Variants in PLCB3 observed in about 807,000 individuals in gnomAD.
PLCB3 encodes phospholipase C beta 3.
In PLCB3, 54 loss-of-function variants were observed where a neutral mutation model predicts 152.1. The observed-to-expected ratio is 0.36, with a 90% confidence interval of 0.29 to 0.45. The LOEUF (loss-of-function observed/expected upper bound fraction) is 0.45. Among genes scored for constraint, PLCB3 ranks in the 20% least tolerant of loss-of-function variants. The pLI, the probability that PLCB3 is intolerant of heterozygous loss-of-function variation, is 1.00. For synonymous variants in PLCB3, 717 were observed against 698.7 expected, an observed-to-expected ratio of 1.03 and a Z score of -0.41; for missense variants, 1,248 against 1,687.5, an observed-to-expected ratio of 0.74 and a Z score of 4.56.
rs1362985611 is a variant in PLCB3, at chr11:64,266,046, G to A, written c.3189+7G>A. The A allele has an allele frequency of 6.2e-7, 1 of 1,613,934 alleles. No homozygotes were observed. Among genetic ancestry groups the A allele is most frequent in the Admixed American group, 1.7e-5 (1 of 60,006 alleles). On this transcript the variant is annotated splice_region_variant and intron_variant, in intron 26 of 30. Coordinates refer to ENST00000279230, the MANE Select transcript of PLCB3 (RefSeq NM_000932.5). This position sits in a 1 kb window ranked among gnomAD's most constrained non-coding sequence, Gnocchi z 4.9. Reference sequence around the variant, plus strand: ...GCTGGAACACCTGAGACAGGTAGGGGGCCTGCAGTGGCCAGGGAAAGCCTG... The same window carrying A: ...GCTGGAACACCTGAGACAGGTAGGGAGCCTGCAGTGGCCAGGGAAAGCCTG...
intron 22 of PLCB3, among the ~76,000 whole-genome samples, chr11:64,264,463 G>A (rs1358446392): frequency 4.6e-5 from 7 of 152,126 alleles, no homozygotes; most frequent in African/African-American, 1.7e-4. Context: ...GTTCACCTGC[G>A]CTTCCAGATC....
At position 64,266,018 on chromosome 11, in the gene PLCB3, G is replaced by T; in HGVS notation, c.3168G>T (p.Arg1056=). The change falls in exon 26 of 31, where the codon CGG becomes CGT. Residue 1056 remains arginine, a synonymous_variant. Coordinates refer to ENST00000279230, the MANE Select transcript of PLCB3 (RefSeq NM_000932.5). The surrounding 1 kb of genome is among the most constrained non-coding windows in gnomAD (Gnocchi z 4.9). ...CCCAGGTGGACGCAGAGGCCCAGCG[G>T]AGGCTGGAACACCTGAGACAGGTAG... ...REAQVDAEAQ[R]RLEHLRQALQ... is the part of the protein sequence containing the mutation. 1 of 1,614,052 alleles carries T rather than the reference G, an allele frequency of 6.2e-7. No homozygotes were observed. The highest frequency in any genetic ancestry group is 8.5e-7 in the Non-Finnish European group (1 of 1,180,000).
chr11:64,262,776 G>A lies in PLCB3; in HGVS notation c.2323G>A (p.Val775Met), dbSNP rs745918779. 6.2e-7 allele frequency: 1 copy of A among 1,613,770 alleles called. No homozygotes were observed. Among genetic ancestry groups the A allele is most frequent in the South Asian group, 1.1e-5 (1 of 91,086 alleles). ...CTCTCAGGGGAACTCGTTCAACCCC[G>A]TGTGGGACGAAGAGCCCTTCGACTT... ...RTSQGNSFNPVWDEEPFDFPK... is the reference protein window; with the variant it reads ...RTSQGNSFNPMWDEEPFDFPK... Residue 775 changes from valine (V) to methionine (M), a missense_variant, in exon 19 of 31, where the codon GTG becomes ATG. Coordinates refer to ENST00000279230, the MANE Select transcript of PLCB3 (RefSeq NM_000932.5).
At chr11:64,262,136 C>T (rs1181347062) in intron 17 of PLCB3, 60 bp downstream of exon 17, 3 of 1,605,750 alleles carry the variant, frequency 1.9e-6, no homozygotes, top group Admixed American at 1.7e-5. Flanking sequence ...TTCTGACCCA[C>T]GATCCTGCTG....
chr11:64,255,212 C>G lies in PLCB3; in HGVS notation c.388-22C>G. ...CCCTGTGTCCCCCACTCACCGCCTC[C>G]CCGTGTATACTGGCCCCCCAGGTCT... On this transcript the variant is annotated intron_variant, in intron 4 of 30. Transcript: ENST00000279230. This position sits in a 1 kb window ranked among gnomAD's most constrained non-coding sequence, Gnocchi z 6.8. The G allele has an allele frequency of 6.2e-7, 1 of 1,602,690 alleles. No homozygotes were observed. The highest frequency in any genetic ancestry group is 8.5e-7 in the Non-Finnish European group (1 of 1,170,466).
Position 64,255,448 on chromosome 11 carries a change from A to C in PLCB3, c.520A>C (p.Asn174His). The change falls in exon 6 of 31, where the codon AAC (asparagine) becomes CAC (histidine). Residue 174 changes from asparagine to histidine, a missense_variant and splice_region_variant. By Grantham distance (68) the Asn-to-His change is moderately conservative (BLOSUM62 1). Around this residue, in one of 6 missense-constraint regions of PLCB3, gnomAD observed 299 missense variants for 434.7 expected, o/e 0.69. Coordinates refer to ENST00000279230, the MANE Select transcript of PLCB3 (RefSeq NM_000932.5). The surrounding 1 kb of genome is among the most constrained non-coding windows in gnomAD (Gnocchi z 6.8). ...VNQDGRIPVK[N>H]ILKMFSADKK... ...CCAGGATGGTCGGATCCCCGTCAAG[A>C]AGTGAGCACCCCTTCCCCCAGCACC... 3 of 1,614,100 alleles carry C rather than the reference A, an allele frequency of 1.9e-6. No individual in the cohort carries two copies. The highest frequency in any genetic ancestry group is 2.5e-6 in the Non-Finnish European group (3 of 1,180,000).
chr11:64,256,001 G>C (rs930316998), intron 8 of PLCB3, among the ~76,000 whole-genome samples, 180 bp downstream of exon 8: 1 of 152,124 alleles, frequency 6.6e-6, no homozygotes, highest in Non-Finnish European at 1.5e-5. Context: ...CGCCGTTTCT[G>C]CCCCTCAGTT....
rs1458287061 is a variant in PLCB3 at position 64,254,412 on chromosome 11, C to T, written c.100-3C>T. ...GACCCCTGCTGCCCTGTGCTGTCCT[C>T]AGGAGACCTCCAGTCGGAACCTGGT... On this transcript the variant is annotated splice_polypyrimidine_tract_variant and splice_region_variant and intron_variant, in intron 1 of 30. Transcript: ENST00000279230. 1 of 1,613,242 alleles carries T rather than the reference C, an allele frequency of 6.2e-7. No homozygotes were observed. Among genetic ancestry groups the T allele is most frequent in the African/African-American group, 1.3e-5 (1 of 74,910 alleles).
chr11:64,267,860 A>T lies in PLCB3; in HGVS notation c.*304A>T. 1 of 384,760 alleles carries T rather than the reference A, an allele frequency of 2.6e-6. No individual in the cohort carries two copies. The highest frequency in any genetic ancestry group is 4.7e-6 in the Non-Finnish European group (1 of 214,726). The allele number at this position is 384,760 out of a possible 1,614,324, so 23.8% of individuals were successfully genotyped here. A position where few individuals can be genotyped will look rare whatever the true frequency, so the allele number is the denominator to read the frequency against. ...GAGACTTGGAGCTCCGGGAAGTAGG[A>T]GTCACATTTTTTTCTCTATTCTTTG... On this transcript the variant is annotated 3_prime_UTR_variant, in exon 31 of 31. Coordinates refer to ENST00000279230, the MANE Select transcript of PLCB3 (RefSeq NM_000932.5). This position sits in a 1 kb window ranked among gnomAD's most constrained non-coding sequence, Gnocchi z 5.2.
Position 64,266,045 on chromosome 11 carries a change from G to A in PLCB3, c.3189+6G>A. 3 of 1,614,000 alleles carry A rather than the reference G, an allele frequency of 1.9e-6. No homozygotes were observed. The highest frequency in any genetic ancestry group is 2.5e-6 in the Non-Finnish European group (3 of 1,180,006). On this transcript the variant is annotated splice_donor_region_variant and intron_variant, in intron 26 of 30. Coordinates refer to ENST00000279230, the MANE Select transcript of PLCB3 (RefSeq NM_000932.5). This position sits in a 1 kb window ranked among gnomAD's most constrained non-coding sequence, Gnocchi z 4.9. The stretch of plus-strand genomic sequence containing the variant: ...GGCTGGAACACCTGAGACAGGTAGG[G>A]GGCCTGCAGTGGCCAGGGAAAGCCT...
At chr11:64,257,821 T>G (rs1443995955) in intron 10 of PLCB3, among the ~76,000 whole-genome samples, 2 of 151,790 alleles carry the variant, frequency 1.3e-5, no homozygotes, top group African/African-American at 4.8e-5. Context: ...TGACCTGATA[T>G]GATATGTTTT....
chr11:64,267,589 C>A lies in PLCB3; in HGVS notation c.*33C>A. On this transcript the variant is annotated 3_prime_UTR_variant, in exon 31 of 31. Coordinates refer to ENST00000279230, the MANE Select transcript of PLCB3 (RefSeq NM_000932.5). This position sits in a 1 kb window ranked among gnomAD's most constrained non-coding sequence, Gnocchi z 5.2. ...GAGCGAGGTGGCCACAGGGCCAGGG[C>A]GGGCGCTGGGTGGAGGGCAGGAGGC... 1 of 1,423,418 alleles carries A rather than the reference C, an allele frequency of 7.0e-7. No homozygotes were observed. The highest frequency in any genetic ancestry group is 9.5e-7 in the Non-Finnish European group (1 of 1,047,848). The allele number at this position is 1,423,418 out of a possible 1,614,324, so 88.2% of individuals were successfully genotyped here.
In PLCB3 at chr11:64,261,480, C is replaced by A. The variant is rs199625600; in HGVS notation, c.1812C>A (p.Ser604=). The A allele has an allele frequency of 6.2e-7, 1 of 1,614,018 alleles. No individual in the cohort carries two copies. Among genetic ancestry groups the A allele is most frequent in the East Asian group, 2.2e-5 (1 of 44,890 alleles). The change falls in exon 15 of 31, where the codon TCC becomes TCA. Residue 604 remains serine (S), a synonymous_variant. Transcript: ENST00000279230. ...VNYIEPVKFK[S]FEAARKRNKC... ...ACATCGAACCTGTCAAGTTCAAGTC[C>A]TTTGAGGCTGCTCGAAGTGAGTGGG...
chr11:64,251,716 C>A lies in PLCB3; in HGVS notation c.67C>A (p.Arg23=). 2.0e-6 allele frequency: 3 copies of A among 1,482,988 alleles called. No homozygotes were observed. Among genetic ancestry groups the A allele is most frequent in the Non-Finnish European group, 2.7e-6 (3 of 1,114,288 alleles). 91.9% of individuals were successfully genotyped at this position (1,482,988 alleles called of 1,614,324 possible). A position where few individuals can be genotyped will look rare whatever the true frequency, so the allele number is the denominator to read the frequency against. ...LEPPTVVETL[R]RGSKFIKWDE... is the part of the protein sequence containing the mutation. Reference sequence around the variant, plus strand: ...GCCGCCCACCGTGGTGGAGACCCTGCGGCGCGGGAGTAAGTTCATCAAATG... The same window carrying A: ...GCCGCCCACCGTGGTGGAGACCCTGAGGCGCGGGAGTAAGTTCATCAAATG... The change falls in exon 1 of 31, where the codon CGG becomes AGG. Residue 23 remains arginine (R), a synonymous_variant. Transcript: ENST00000279230.
chr11:64,266,150 G>A lies in PLCB3; in HGVS notation c.3214G>A (p.Val1072Ile), dbSNP rs374742247. 29 of 1,613,972 alleles carry A rather than the reference G, an allele frequency of 1.8e-5. 1 individual carries two copies. Among genetic ancestry groups the A allele is most frequent in the South Asian group, 5.5e-5 (5 of 91,084 alleles). Residue 1072 changes from valine to isoleucine, a missense_variant, in exon 27 of 31, where the codon GTC becomes ATC. Val to Ile is a conservative substitution (Grantham distance 29, BLOSUM62 3). Coordinates refer to ENST00000279230, the MANE Select transcript of PLCB3 (RefSeq NM_000932.5). This position sits in a 1 kb window ranked among gnomAD's most constrained non-coding sequence, Gnocchi z 4.9. The stretch of plus-strand genomic sequence containing the variant: ...GGCTCTGCAGCGGCTCAGGGAGGTC[G>A]TCCTTGATGCAAACACAACTCAGTT... ...RQALQRLREV[V>I]LDANTTQFKR...
chr11:64,259,983 AGCTGTGTGGTCC>A, intron 13 of PLCB3, 34 bp from the exon 14 acceptor site: 1 of 1,515,916 alleles, frequency 6.6e-7, no homozygotes, highest in Non-Finnish European at 9.1e-7. Flanking sequence ...CTTCCTAAGC[AGCTGTGTGGTCC>A]TGACCCCTCA....
chr11:64,260,345 G>A, intron 14 of PLCB3, 111 bp downstream of exon 14: 1 of 725,282 alleles, frequency 1.4e-6, no homozygotes, highest in Non-Finnish European at 2.3e-6. Context: ...GGGGCTCAGT[G>A]TGGGTGTGAG....
intron 10 of PLCB3, among the ~76,000 whole-genome samples, chr11:64,257,537 G>A (rs2031604795): frequency 6.6e-6 from 1 of 151,958 alleles, no homozygotes; most frequent in Non-Finnish European, 1.5e-5. Context: ...GTATCGCTTG[G>A]TTCTGGGAAG....
chr11:64,261,439 TC>T lies in PLCB3; in HGVS notation c.1773del (p.Thr592ArgfsTer38). The T allele has an allele frequency of 6.2e-7, 1 of 1,614,118 alleles. No individual in the cohort carries two copies. The highest frequency in any genetic ancestry group is 8.5e-7 in the Non-Finnish European group (1 of 1,179,988). On this transcript the variant is annotated frameshift_variant, in exon 15 of 31. Transcript: ENST00000279230. LOFTEE classifies it high-confidence loss of function. ...CGAGGTGAATGCCACTGAGGAGATG[TC>T]CACGCTTGTCAACTACATCGAACCT... ...SSEVNATEEM[S>X]TLVNYIEPVK...
Sources: gnomAD v4.1 joint callset for allele counts (sites outside exome capture counted in the v4.1 genomes callset) on GRCh38, gnomAD v4.1.1 for gene constraint, gnomAD v4.1.1 regional missense constraint, Gnocchi (gnomAD v3.1) non-coding constraint, MANE v1.5 for transcripts, NCBI Gene and HGNC (gene_info 2026-07-23, HGNC 2026-07-21) for gene names.